The following SHROOM4 variants were observed in gnomAD, a reference collection of about 807,000 sequenced individuals.
SHROOM4 encodes the protein protein Shroom4.
Under a neutral mutation model 80.3 loss-of-function variants are expected in SHROOM4, and 17 were observed. The observed-to-expected ratio is 0.21, with a 90% CI of 0.14 to 0.32. SHROOM4 has a LOEUF of 0.32. Ranked by LOEUF, SHROOM4 falls within the 10% of genes least tolerant of loss-of-function variation. The pLI is 1.00. For missense variants in SHROOM4, 993 were observed against 1,140.3 expected, an observed-to-expected ratio of 0.87 and a Z score of 1.86; for synonymous variants, 400 against 437.5, an observed-to-expected ratio of 0.91 and a Z score of 1.07.
Position 50,687,856 on chromosome X carries a change from CTAT to C in SHROOM4, c.269+7927_269+7929del, listed in dbSNP as rs1557262374. On this transcript the variant is annotated intron_variant, in intron 2 of 8. Transcript: ENST00000376020. The stretch of plus-strand genomic sequence containing the variant: ...ATTTAAGTGACCACGAGAAATATAA[CTAT>C]CAAGAAAACCAGTTACTCATAGTTC... 2.0e-4 allele frequency among the ~76,000 whole-genome samples: 22 copies of C among 109,785 alleles called. 1 individual carries two copies. Among genetic ancestry groups the C allele is most frequent in the Non-Finnish European group, 3.2e-4 (17 of 52,750 alleles).
intron 1 of SHROOM4, among the ~76,000 whole-genome samples, chrX:50,790,307 A>G (rs1935829238): frequency 8.9e-6 from 1 of 111,838 alleles, no homozygotes; most frequent in Admixed American, 9.5e-5. Flanking sequence ...GAATTAGTAA[A>G]TTAAAAATCT....
intron 2 of SHROOM4, among the ~76,000 whole-genome samples, chrX:50,692,095 C>T (rs1933236926): frequency 8.9e-6 from 1 of 111,814 alleles, no homozygotes; most frequent in South Asian, 3.8e-4. Context: ...TATAGCCACT[C>T]CTAAGTGACT....
chrX:50,799,244 T>C (rs1246874964), intron 1 of SHROOM4, among the ~76,000 whole-genome samples: 2 of 113,143 alleles, frequency 1.8e-5, no homozygotes, highest in Non-Finnish European at 3.7e-5. Flanking sequence ...TTTCTCAGTT[T>C]GTTTGTACTC....
At chrX:50,716,310 C>A (rs1933952498) in intron 1 of SHROOM4, among the ~76,000 whole-genome samples, 1 of 111,000 alleles carries the variant, frequency 9.0e-6, no homozygotes, top group African/African-American at 3.3e-5. Context: ...ATAGTTAGAA[C>A]AATGTATCAT....
chrX:50,641,060 C>T (rs782716438), intron 2 of SHROOM4, among the ~76,000 whole-genome samples: 10 of 112,432 alleles, frequency 8.9e-5, no homozygotes, highest in East Asian at 2.8e-4. Flanking sequence ...TGGAATGCCC[C>T]CTCTCCTTTT....
chrX:50,588,264 A>C lies in SHROOM4; in HGVS notation c.*8431T>G, dbSNP rs1277253604. Among the ~76,000 whole-genome samples the C allele has an allele frequency of 3.6e-5, 4 of 111,668 alleles. No individual in the cohort carries two copies. The highest frequency in any genetic ancestry group is 5.6e-5 in the Non-Finnish European group (3 of 53,163). On this transcript the variant is annotated 3_prime_UTR_variant, in exon 9 of 9. Transcript: ENST00000376020. ...TCCAAAAAATCTTGACCTGGTGCAC[A>C]CAGCAGGGTAGGTAAGGAAAGGAAC... is the stretch of plus-strand genomic sequence containing the variant.
chrX:50,639,880 T>C (rs1180389306), intron 2 of SHROOM4, among the ~76,000 whole-genome samples: 1 of 112,123 alleles, frequency 8.9e-6, no homozygotes, highest in Non-Finnish European at 1.9e-5. Flanking sequence ...CAGGGGAAGC[T>C]GTTTGTCAAA....
At chrX:50,766,022 C>T (rs782436914) in intron 1 of SHROOM4, among the ~76,000 whole-genome samples, 28 of 111,601 alleles carry the variant, frequency 2.5e-4, no homozygotes, top group Admixed American at 2.5e-3. Flanking sequence ...AGTTCCTTAA[C>T]GGAAGGGATT....
intron 1 of SHROOM4, among the ~76,000 whole-genome samples, chrX:50,706,053 C>T (rs1410495418): frequency 1.9e-5 from 2 of 107,341 alleles, no homozygotes; most frequent in African/African-American, 6.8e-5. Context: ...ACCAAACTTT[C>T]TGTTCTTCAG....
chrX:50,795,346 C>G (rs1258414032), intron 1 of SHROOM4, among the ~76,000 whole-genome samples: 1 of 107,855 alleles, frequency 9.3e-6, no homozygotes, highest in Non-Finnish European at 1.9e-5. Flanking sequence ...AAGAAGAAAT[C>G]TCAAGTCTTT....
Position 50,634,893 on chromosome X carries a change from C to A in SHROOM4, c.1180G>T (p.Ala394Ser). 1 of 1,206,438 alleles carries A rather than the reference C, an allele frequency of 8.3e-7. No homozygotes were observed. Among genetic ancestry groups the A allele is most frequent in the Non-Finnish European group, 1.1e-6 (1 of 892,591 alleles). The change falls in exon 4 of 9, where the codon GCT becomes TCT. Residue 394 changes from alanine (A) to serine (S), a missense_variant. Ala to Ser is a moderately conservative substitution (Grantham distance 99, BLOSUM62 1). Coordinates refer to ENST00000376020, the MANE Select transcript of SHROOM4 (RefSeq NM_020717.5). The part of the protein sequence containing the change: ...LNEASAELAK[A>S]SFGRPPHLIG... ...AGATGTGGAGGTCTGCCAAAAGAAG[C>A]CTTAGCTAGCTCTGCAGAAGCCTCA... is the stretch of plus-strand genomic sequence containing the variant.
intron 1 of SHROOM4, among the ~76,000 whole-genome samples, chrX:50,784,888 T>A (rs1264537629): frequency 1.8e-5 from 2 of 111,939 alleles, no homozygotes; most frequent in Non-Finnish European, 3.8e-5. Flanking sequence ...AGGACTTATA[T>A]CTTGAATAAA....
At chrX:50,811,511 C>T (rs1459614411) in intron 1 of SHROOM4, among the ~76,000 whole-genome samples, 1 of 111,436 alleles carries the variant, frequency 9.0e-6, no homozygotes, top group Admixed American at 9.5e-5. Context: ...CTATTACCTT[C>T]CACCCATCCC....
At chrX:50,662,792 C>A (rs1557260069) in intron 2 of SHROOM4, among the ~76,000 whole-genome samples, 1 of 110,854 alleles carries the variant, frequency 9.0e-6, no homozygotes, top group African/African-American at 3.3e-5. Context: ...AAAAATTGCA[C>A]ATTAGAAAAG....
intron 1 of SHROOM4, among the ~76,000 whole-genome samples, chrX:50,778,991 C>T (rs1476559649): frequency 1.8e-5 from 2 of 111,947 alleles, no homozygotes; most frequent in African/African-American, 6.5e-5. Context: ...AGATGGGAAA[C>T]TCTTAGAACA....
intron 2 of SHROOM4, among the ~76,000 whole-genome samples, chrX:50,679,758 G>T (rs782741658): frequency 9.0e-6 from 1 of 111,454 alleles, no homozygotes; most frequent in Non-Finnish European, 1.9e-5. Flanking sequence ...GATAACTATA[G>T]TCACCCTACT....
At chrX:50,676,296 G>GTT (rs1195734922) in intron 2 of SHROOM4, among the ~76,000 whole-genome samples, 1 of 103,805 alleles carries the variant, frequency 9.6e-6, no homozygotes, top group African/African-American at 3.5e-5. Context: ...TAGAAAAGTA[G>GTT]TTTTTTTTTT....
At chrX:50,704,629 C>A (rs1019346204) in intron 1 of SHROOM4, among the ~76,000 whole-genome samples, 5 of 111,935 alleles carry the variant, frequency 4.5e-5, no homozygotes, top group African/African-American at 1.6e-4. Context: ...TTAGTCATTT[C>A]TGACTGGAAA....
chrX:50,586,339 A>G (rs1928759150), downstream of SHROOM4, among the ~76,000 whole-genome samples: 1 of 111,977 alleles, frequency 8.9e-6, no homozygotes, highest in Non-Finnish European at 1.9e-5. Context: ...GCCTTTTCCC[A>G]GATTTTTTCC....
Sources: allele counts gnomAD v4.1 joint callset (sites outside exome capture counted in the v4.1 genomes callset), GRCh38; gene constraint gnomAD v4.1.1; transcripts MANE v1.5; gene names NCBI Gene and HGNC (gene_info 2026-07-23, HGNC 2026-07-21).